The following SPATS2L variants were observed in gnomAD, a reference collection of about 807,000 sequenced individuals.
SPATS2L encodes the protein SPATS2-like protein.
Under a neutral mutation model 59.6 loss-of-function variants are expected in SPATS2L, and 30 were observed. The ratio of observed to expected loss-of-function variants is 0.50; its 90% CI spans 0.38 to 0.68. The LOEUF is 0.68. Among genes scored for constraint, SPATS2L ranks in the 30% least tolerant of loss-of-function variants. The pLI, the probability that SPATS2L is intolerant of heterozygous loss-of-function variation, is 0.00. For synonymous variants in SPATS2L, 252 were observed against 263.5 expected, an observed-to-expected ratio of 0.96 and a Z score of 0.42; for missense variants, 615 against 700.0, an observed-to-expected ratio of 0.88 and a Z score of 1.37.
intron 8 of SPATS2L, among the ~76,000 whole-genome samples, chr2:200,446,239 G>A (rs535406405): frequency 6.6e-6 from 1 of 152,320 alleles, no homozygotes; most frequent in East Asian, 1.9e-4. Flanking sequence ...GGAGGCTGAG[G>A]TGGGAGGATC....
In SPATS2L at chr2:200,368,922, T is replaced by C. The variant is rs576169726; in HGVS notation, c.-22-20301T>C. On this transcript the variant is annotated intron_variant, in intron 2 of 12. Transcript: ENST00000409140. ...AAAATATATGTGTATATGTATAAAA[T>C]GAAAGAATCAACAATGAAATCTTGA... is the stretch of plus-strand genomic sequence containing the variant. Among the ~76,000 whole-genome samples, 13 of 152,210 alleles carry C rather than the reference T, an allele frequency of 8.5e-5. No individual in the cohort carries two copies. The South Asian group carries it at 2.5e-3, about 29-fold the overall frequency.
chr2:200,343,624 G>T (rs2105825995), intron 2 of SPATS2L, among the ~76,000 whole-genome samples: 1 of 152,232 alleles, frequency 6.6e-6, no homozygotes, highest in Non-Finnish European at 1.5e-5. Flanking sequence ...TATGTGGAAA[G>T]GTTTTAGCCA....
At chr2:200,307,474 G>A (rs1306182414) in intron 1 of SPATS2L, among the ~76,000 whole-genome samples, 2 of 152,036 alleles carry the variant, frequency 1.3e-5, no homozygotes, top group East Asian at 1.9e-4. Flanking sequence ...GCGGGAGTGG[G>A]ATGCGTTGGC....
intron 9 of SPATS2L, 134 bp from the exon 10 acceptor site, chr2:200,467,156 T>C (rs1223241426): frequency 4.5e-6 from 3 of 660,364 alleles, no homozygotes; most frequent in Admixed American, 2.7e-5. Context: ...CCCGCCTCCA[T>C]GACCAACTCA....
At chr2:200,372,021 A>G in intron 2 of SPATS2L, 2 of 985,402 alleles carry the variant, frequency 2.0e-6, no homozygotes, top group Non-Finnish European at 2.4e-6. Flanking sequence ...ACTCCCAGGC[A>G]TAAAAACCCA....
chr2:200,465,401 A>C (rs1380298629), intron 9 of SPATS2L, among the ~76,000 whole-genome samples: 6 of 152,256 alleles, frequency 3.9e-5, no homozygotes, highest in Admixed American at 3.3e-4. Context: ...CAAACAAGAC[A>C]TATGTACTCT....
At chr2:200,369,095 A>AG (rs778602713) in intron 2 of SPATS2L, among the ~76,000 whole-genome samples, 8 of 6,664 alleles carry the variant, frequency 1.2e-3, no homozygotes, top group Non-Finnish European at 5.1e-3. Context: ...AAAAAAAAAG[A>AG]AGAGAGTTAT....
At chr2:200,360,505 C>G (rs960805141) in intron 2 of SPATS2L, among the ~76,000 whole-genome samples, 1 of 152,188 alleles carries the variant, frequency 6.6e-6, no homozygotes, top group South Asian at 2.1e-4. Context: ...ATTGCATGGC[C>G]AAGAGCAGGT....
chr2:200,325,883 A>G (rs1315737269), intron 1 of SPATS2L, among the ~76,000 whole-genome samples: 1 of 151,998 alleles, frequency 6.6e-6, no homozygotes, highest in African/African-American at 2.4e-5. Context: ...GTTATCAGAA[A>G]AGCCTCACTT....
chr2:200,389,323 C>G, intron 3 of SPATS2L, 40 bp downstream of exon 3: 1 of 1,444,944 alleles, frequency 6.9e-7, no homozygotes, highest in Non-Finnish European at 9.5e-7. Context: ...AAACTCCAAA[C>G]TAGGTAATGC....
intron 2 of SPATS2L, among the ~76,000 whole-genome samples, 198 bp from the exon 3 acceptor site, chr2:200,389,025 A>G (rs1044174621): frequency 2.6e-5 from 4 of 152,204 alleles, no homozygotes; most frequent in Non-Finnish European, 5.9e-5. Context: ...AAAAGATTTT[A>G]CTTTGTTTTC....
chr2:200,439,876 C>A (rs1478409579), intron 7 of SPATS2L, among the ~76,000 whole-genome samples: 1 of 152,184 alleles, frequency 6.6e-6, no homozygotes, highest in Non-Finnish European at 1.5e-5. Context: ...ATACTTGATA[C>A]GTAACTGGTA....
chr2:200,413,569 C>T (rs561824168), intron 4 of SPATS2L, among the ~76,000 whole-genome samples: 1 of 152,284 alleles, frequency 6.6e-6, no homozygotes, highest in African/African-American at 2.4e-5. Flanking sequence ...GGGCAAGCTA[C>T]ACATAATCTG....
intron 8 of SPATS2L, among the ~76,000 whole-genome samples, chr2:200,447,212 T>A (rs1223236155): frequency 6.6e-6 from 1 of 152,204 alleles, no homozygotes; most frequent in East Asian, 1.9e-4. Flanking sequence ...CCATTAAATG[T>A]CTGCTTGGGG....
chr2:200,404,791 A>G (rs1319087244), intron 3 of SPATS2L, among the ~76,000 whole-genome samples: 1 of 152,094 alleles, frequency 6.6e-6, no homozygotes, highest in Non-Finnish European at 1.5e-5. Context: ...CCTGGGGAGA[A>G]TACTCTTCCT....
chr2:200,367,642 G>T (rs1028158736), intron 2 of SPATS2L, among the ~76,000 whole-genome samples: 6 of 152,162 alleles, frequency 3.9e-5, no homozygotes, highest in Non-Finnish European at 8.8e-5. Flanking sequence ...TTTCTAAAAA[G>T]TAGATTGAAA....
At chr2:200,390,684 C>G (rs551690130) in intron 3 of SPATS2L, 2 of 152,196 alleles carry the variant, frequency 1.3e-5, no homozygotes, top group African/African-American at 4.8e-5. Flanking sequence ...GAGATGAAGT[C>G]CAAGAATACC....
At chr2:200,365,444 A>C (rs1277491043) in intron 2 of SPATS2L, among the ~76,000 whole-genome samples, 1 of 152,096 alleles carries the variant, frequency 6.6e-6, no homozygotes, top group African/African-American at 2.4e-5. Context: ...AGGACTTCTC[A>C]GTTGAGGCCA....
intron 3 of SPATS2L, among the ~76,000 whole-genome samples, chr2:200,398,370 A>G (rs2082419851): frequency 6.6e-6 from 1 of 152,230 alleles, no homozygotes; most frequent in Non-Finnish European, 1.5e-5. Context: ...GAAAAGAATA[A>G]ATTAAAAGTT....
Sources: allele counts gnomAD v4.1 joint callset (sites outside exome capture counted in the v4.1 genomes callset), GRCh38; gene constraint gnomAD v4.1.1; transcripts MANE v1.5; gene names NCBI Gene and HGNC (gene_info 2026-07-23, HGNC 2026-07-21).